The following LIMCH1 variants were observed in gnomAD, a reference collection of about 807,000 sequenced individuals.
The protein encoded by LIMCH1 is LIM and calponin homology domains 1, also known as LIM and calponin homology domains-containing protein 1.
A neutral mutation model predicts 176.5 loss-of-function variants in LIMCH1; 113 were observed. The observed-to-expected ratio is 0.64, with a 90% CI of 0.55 to 0.75. The LOEUF (loss-of-function observed/expected upper bound fraction) is 0.75, where lower values mean the gene tolerates loss of function less well. LIMCH1 is among the 30% of genes least tolerant of loss of function. The probability of loss-of-function intolerance (pLI) is 0.00; values close to 1 mark genes in which losing one functional copy is unlikely to be tolerated. For synonymous variants in LIMCH1, 619 were observed against 645.9 expected (o/e 0.96, Z 0.63); for missense variants, 1,674 against 1,814.9 (o/e 0.92, Z 1.41).
chr4:41,434,026 G>C (rs1464336613), intron 1 of LIMCH1, among the ~76,000 whole-genome samples: 1 of 152,198 alleles, frequency 6.6e-6, no homozygotes, highest in Non-Finnish European at 1.5e-5. Context: ...CTTCATGCCA[G>C]CTTAAAAGGG....
At chr4:41,633,942 T>G in intron 13 of LIMCH1, 134 bp downstream of exon 13, 7 of 994,646 alleles carry the variant, frequency 7.0e-6, no homozygotes, top group Middle Eastern at 2.2e-4. Flanking sequence ...AAAATTGGCC[T>G]CATCTGCGAA....
Position 41,680,976 on chromosome 4 carries a change from A to C in LIMCH1, c.3634A>C (p.Thr1212Pro). 1 of 1,606,450 alleles carries C rather than the reference A, an allele frequency of 6.2e-7. No homozygotes were observed. Among genetic ancestry groups the C allele is most frequent in the East Asian group, 2.2e-5 (1 of 44,822 alleles). Residue 1212 changes from threonine (T) to proline (P), a missense_variant, in exon 25 of 32, where the codon ACT becomes CCT. Physicochemically the swap from Thr to Pro is conservative, Grantham distance 38 (BLOSUM62 -1). This residue lies in a region of LIMCH1 where 1,015 missense variants were observed against 1,102.5 expected (regional missense o/e 0.92). Transcript: ENST00000503057. ...TTAGGAGCGTAAGATAATTGAAGACACTGTGGTTCCATTTACTGTTTCTTC... is the reference window on the plus strand; with the variant it reads ...TTAGGAGCGTAAGATAATTGAAGACCCTGTGGTTCCATTTACTGTTTCTTC... ...YEEERKIIED[T>P]VVPFTVSSSS...
At chr4:41,659,294 G>A (rs1378447105) in intron 18 of LIMCH1, among the ~76,000 whole-genome samples, 1 of 152,128 alleles carries the variant, frequency 6.6e-6, no homozygotes. Context: ...TTTTAAAAGT[G>A]TGTTTTAACT....
chr4:41,456,868 A>C (rs1054496757), intron 1 of LIMCH1, among the ~76,000 whole-genome samples: 8 of 152,102 alleles, frequency 5.3e-5, no homozygotes, highest in African/African-American at 1.7e-4. Flanking sequence ...CTTTAGCGAG[A>C]CTGTCAACCA....
At chr4:41,651,919 GT>G (rs1309632986) in intron 18 of LIMCH1, among the ~76,000 whole-genome samples, 3 of 152,156 alleles carry the variant, frequency 2.0e-5, no homozygotes, top group African/African-American at 7.2e-5. Context: ...ACTCATGCTG[GT>G]TTCACTAATC....
intron 7 of LIMCH1, among the ~76,000 whole-genome samples, chr4:41,625,544 A>G (rs2092892034): frequency 6.6e-6 from 1 of 152,204 alleles, no homozygotes; most frequent in African/African-American, 2.4e-5. Context: ...ATTAGTGGAA[A>G]ATCAGTCATT....
intron 13 of LIMCH1, among the ~76,000 whole-genome samples, chr4:41,634,652 G>C (rs2093487967): frequency 6.6e-6 from 1 of 152,216 alleles, no homozygotes; most frequent in Non-Finnish European, 1.5e-5. Flanking sequence ...TGTTTTCAGG[G>C]AGCAGAAGTA....
chr4:41,469,739 TG>T, intron 1 of LIMCH1, among the ~76,000 whole-genome samples: 1 of 152,158 alleles, frequency 6.6e-6, no homozygotes, highest in South Asian at 2.1e-4. Flanking sequence ...TGGACTGCAG[TG>T]GCACAATCTC....
At chr4:41,399,229 C>G (rs2058114298) in intron 1 of LIMCH1, among the ~76,000 whole-genome samples, 1 of 151,834 alleles carries the variant, frequency 6.6e-6, no homozygotes, top group South Asian at 2.1e-4. Flanking sequence ...CTGTTTTCTA[C>G]AATTCAGACT....
intron 27 of LIMCH1, among the ~76,000 whole-genome samples, 179 bp downstream of exon 27, chr4:41,684,697 A>G (rs745975609): frequency 6.6e-6 from 1 of 152,292 alleles, no homozygotes; most frequent in South Asian, 2.1e-4. Context: ...CTCTATAGGA[A>G]CTTGCTGGGG....
rs1731502450 is a variant in LIMCH1, at chr4:41,697,530, T to G, written c.*345T>G. On this transcript the variant is annotated 3_prime_UTR_variant, in exon 32 of 32. Coordinates refer to ENST00000503057, the MANE Select transcript of LIMCH1 (RefSeq NM_001330672.2). ...AATTAGCTAAATGATGCAATAAACCTGTTTTGTTTTAGAATGTCTAGGAAT... is the reference window on the plus strand; with the variant it reads ...AATTAGCTAAATGATGCAATAAACCGGTTTTGTTTTAGAATGTCTAGGAAT... 2 of 263,236 alleles carry G rather than the reference T, an allele frequency of 7.6e-6. No individual in the cohort carries two copies. Among genetic ancestry groups the G allele is most frequent in the African/African-American group, 2.2e-5 (1 of 45,226 alleles). The allele number at this position is 263,236 out of a possible 1,614,324, so 16.3% of individuals were successfully genotyped here.
At chr4:41,599,592 GC>G (rs1219739057) in intron 2 of LIMCH1, among the ~76,000 whole-genome samples, 1 of 152,222 alleles carries the variant, frequency 6.6e-6, no homozygotes, top group East Asian at 1.9e-4. Context: ...AAAAGAGACA[GC>G]AGTGTACTTT....
intron 1 of LIMCH1, among the ~76,000 whole-genome samples, chr4:41,366,730 A>C (rs1581067937): frequency 6.6e-6 from 1 of 152,232 alleles, no homozygotes; most frequent in Admixed American, 6.5e-5. Flanking sequence ...TATTTCAAGG[A>C]GGAATGATGC....
At chr4:41,461,774 A>C (rs2065397490) in intron 1 of LIMCH1, among the ~76,000 whole-genome samples, 1 of 152,234 alleles carries the variant, frequency 6.6e-6, no homozygotes, top group South Asian at 2.1e-4. Flanking sequence ...ACATGAATCC[A>C]AGTGGCATTT....
intron 1 of LIMCH1, among the ~76,000 whole-genome samples, chr4:41,440,589 G>C (rs562361060): frequency 6.6e-6 from 1 of 152,262 alleles, no homozygotes; most frequent in East Asian, 1.9e-4. Flanking sequence ...CTGGAGTGCA[G>C]TGGCGCAATC....
intron 1 of LIMCH1, among the ~76,000 whole-genome samples, chr4:41,391,554 C>CA (rs2057244570): frequency 6.6e-6 from 1 of 152,112 alleles, no homozygotes. Flanking sequence ...ACCACCTTAT[C>CA]AAGTATTCAA....
chr4:41,620,754 C>T, intron 7 of LIMCH1, 64 bp downstream of exon 7: 2 of 1,455,754 alleles, frequency 1.4e-6, no homozygotes, highest in East Asian at 2.5e-5. Context: ...TGGAATCTGT[C>T]TAGAGAGTTG....
intron 7 of LIMCH1, among the ~76,000 whole-genome samples, chr4:41,623,154 A>G (rs1030778259): frequency 5.9e-5 from 9 of 152,240 alleles, no homozygotes; most frequent in Non-Finnish European, 1.0e-4. Context: ...CTTAACTGGA[A>G]TGAAGTATCA....
intron 1 of LIMCH1, among the ~76,000 whole-genome samples, chr4:41,452,457 C>T (rs1386150299): frequency 6.6e-6 from 1 of 152,162 alleles, no homozygotes; most frequent in East Asian, 1.9e-4. Flanking sequence ...GTGATTATGC[C>T]AACTTATCCT....
Sources: gnomAD v4.1 joint callset for allele counts (sites outside exome capture counted in the v4.1 genomes callset) on GRCh38, gnomAD v4.1.1 for gene constraint, gnomAD v4.1.1 regional missense constraint, MANE v1.5 for transcripts, NCBI Gene and HGNC (gene_info 2026-07-23, HGNC 2026-07-21) for gene names.